The following SLC22A23 variants were observed in gnomAD, a reference collection of about 807,000 sequenced individuals.
SLC22A23 encodes the protein ion transporter protein.
In SLC22A23, 26 loss-of-function variants were observed where a neutral mutation model predicts 61.0. That is an observed-to-expected ratio of 0.43 (90% CI 0.31 to 0.59). SLC22A23 has a LOEUF of 0.59. Among genes scored for constraint, SLC22A23 ranks in the 20% least tolerant of loss-of-function variants. The pLI is 0.11. For synonymous variants in SLC22A23, 430 were observed against 413.9 expected (o/e 1.04, Z -0.47); for missense variants, 796 against 934.7 (o/e 0.85, Z 1.94).
In SLC22A23 at chr6:3,456,032, G is replaced by A; in HGVS notation, c.528C>T (p.Gly176=). 2.6e-6 allele frequency: 4 copies of A among 1,547,602 alleles called. No individual in the cohort carries two copies. The highest frequency in any genetic ancestry group is 1.7e-6 in the Non-Finnish European group (2 of 1,146,806). ...GGGGTGGTGTGTCGCCTCCGTCCGC[G>A]CCGCTGCTGTTGCTCCGGTTGCCCG... The part of the protein sequence containing the change: ...EAAGNRSNSS[G]ADGGDTPPLP... Residue 176 remains glycine (G), a synonymous_variant, in exon 1 of 10, where the codon GGC becomes GGT. Transcript: ENST00000406686. The surrounding 1 kb of genome is among the most constrained non-coding windows in gnomAD (Gnocchi z 7.1).
At chr6:3,303,097 A>G (rs578001815) in intron 4 of SLC22A23, 1 of 152,352 alleles carries the variant, frequency 6.6e-6, no homozygotes, top group East Asian at 1.9e-4. Context: ...ACAAACATAT[A>G]TTAAAAAAAG....
chr6:3,291,807 C>T (rs1448477618), intron 5 of SLC22A23: 7 of 152,056 alleles, frequency 4.6e-5, no homozygotes, highest in East Asian at 1.9e-4. Flanking sequence ...GGAAGACTTC[C>T]GAGAAGAAAA....
At chr6:3,434,382 G>A (rs902036274) in intron 1 of SLC22A23, among the ~76,000 whole-genome samples, 1 of 150,088 alleles carries the variant, frequency 6.7e-6, no homozygotes, top group Non-Finnish European at 1.5e-5. Context: ...TTGGGAGGGC[G>A]GGTGGATCAC....
chr6:3,322,870 C>T lies in SLC22A23; in HGVS notation c.1082+964G>A, dbSNP rs1277075635. ...CATTGTTGACTAAATAGTAGCAATA[C>T]AGGGCCACATCCATGATCTACTTAT... On this transcript the variant is annotated intron_variant, in intron 4 of 9. Coordinates refer to ENST00000406686, the MANE Select transcript of SLC22A23 (RefSeq NM_015482.2). This position sits in a 1 kb window ranked among gnomAD's most constrained non-coding sequence, Gnocchi z 4.1. 6.6e-6 allele frequency among the ~76,000 whole-genome samples: 1 copy of T among 152,148 alleles called. No individual in the cohort carries two copies. The highest frequency in any genetic ancestry group is 1.5e-5 in the Non-Finnish European group (1 of 68,008).
intron 1 of SLC22A23, among the ~76,000 whole-genome samples, chr6:3,443,185 G>T (rs1771706525): frequency 1.3e-5 from 2 of 152,360 alleles, no homozygotes; most frequent in South Asian, 2.1e-4. Context: ...ACTGGGAAAG[G>T]CTTGGGGAAA....
rs1202397327 is a variant in SLC22A23 at position 3,295,160 on chromosome 6, G to A, written c.1210+2931C>T. On this transcript the variant is annotated intron_variant, in intron 5 of 9. Transcript: ENST00000406686. ...GGGCCCTGCCTTGCCTGGCCTTGCC[G>A]CTCTGCAGGGGTGACAGGCAGTAAT... Among the ~76,000 whole-genome samples the A allele has an allele frequency of 3.3e-5, 5 of 152,264 alleles. No individual in the cohort carries two copies. In the East Asian group the frequency reaches 5.8e-4, roughly 18 times the overall value.
rs1295852715 is a variant in SLC22A23 at position 3,308,516 on chromosome 6, T to C, written c.1083-10298A>G. 6.6e-6 allele frequency among the ~76,000 whole-genome samples: 1 copy of C among 152,198 alleles called. No homozygotes were observed. Among genetic ancestry groups the C allele is most frequent in the East Asian group, 1.9e-4 (1 of 5,192 alleles). ...CCCCAGGTGTGGACAGTGGCTCTTC[T>C]CCTGAGGTCTTGAATAAAAGCACAT... On this transcript the variant is annotated intron_variant, in intron 4 of 9. Coordinates refer to ENST00000406686, the MANE Select transcript of SLC22A23 (RefSeq NM_015482.2). This position sits in a 1 kb window ranked among gnomAD's most constrained non-coding sequence, Gnocchi z 5.1.
intron 3 of SLC22A23, among the ~76,000 whole-genome samples, chr6:3,375,805 T>C (rs1440883466): frequency 6.6e-6 from 1 of 152,250 alleles, no homozygotes; most frequent in Non-Finnish European, 1.5e-5. Flanking sequence ...TGGAGCAGAA[T>C]GAAAAGATCC....
chr6:3,379,220 T>TTC (rs1388050030), intron 3 of SLC22A23, among the ~76,000 whole-genome samples: 2 of 152,230 alleles, frequency 1.3e-5, no homozygotes, highest in Non-Finnish European at 2.9e-5. Flanking sequence ...TAAAATGTCC[T>TTC]TCTCCTCCAC....
At chr6:3,379,275 G>A (rs1026315607) in intron 3 of SLC22A23, among the ~76,000 whole-genome samples, 4 of 152,080 alleles carry the variant, frequency 2.6e-5, no homozygotes, top group Non-Finnish European at 5.9e-5. Context: ...CTTTCCTCTT[G>A]GCAAAAGTAG....
chr6:3,370,157 A>G (rs1766115010), intron 3 of SLC22A23, among the ~76,000 whole-genome samples: 1 of 151,956 alleles, frequency 6.6e-6, no homozygotes, highest in Non-Finnish European at 1.5e-5. Flanking sequence ...CCCTAAATTT[A>G]TTTTTTCCTT....
chr6:3,274,035 A>G (rs770393132), intron 9 of SLC22A23, among the ~76,000 whole-genome samples: 9 of 152,198 alleles, frequency 5.9e-5, no homozygotes, highest in Non-Finnish European at 1.0e-4. Flanking sequence ...GGGTCCCCCA[A>G]ATGAAGCTGT....
At chr6:3,275,323 A>G (rs909422211) in intron 9 of SLC22A23, among the ~76,000 whole-genome samples, 14 of 152,238 alleles carry the variant, frequency 9.2e-5, no homozygotes, top group Admixed American at 9.2e-4. Flanking sequence ...CAAAATGGAT[A>G]ATAAAATCTA....
Position 3,456,961 on chromosome 6 carries a change from G to A in SLC22A23, c.-402C>T, listed in dbSNP as rs1451552276. The A allele has an allele frequency of 6.6e-6, 1 of 150,528 alleles. No individual in the cohort carries two copies. The highest frequency in any genetic ancestry group is 2.0e-4 in the East Asian group (1 of 5,084). The allele number at this position is 150,528 out of a possible 1,614,324, so 9.3% of individuals were successfully genotyped here. On this transcript the variant is annotated 5_prime_UTR_variant, in exon 1 of 10. Transcript: ENST00000406686. This position sits in a 1 kb window ranked among gnomAD's most constrained non-coding sequence, Gnocchi z 7.1. ...GGTTCAGGGCCCTGCGGGCGGCGGTGCGGGCAAAGGCTGCTGCTCCCGGGG... is the reference window on the plus strand; with the variant it reads ...GGTTCAGGGCCCTGCGGGCGGCGGTACGGGCAAAGGCTGCTGCTCCCGGGG...
At chr6:3,293,579 C>T (rs1760813427) in intron 5 of SLC22A23, among the ~76,000 whole-genome samples, 1 of 152,286 alleles carries the variant, frequency 6.6e-6, no homozygotes, top group Non-Finnish European at 1.5e-5. Context: ...CTGCCGACCT[C>T]TGTCATCTCT....
chr6:3,390,714 G>C lies in SLC22A23; in HGVS notation c.913+19474C>G, dbSNP rs1767609550. On this transcript the variant is annotated intron_variant, in intron 3 of 9. Coordinates refer to ENST00000406686, the MANE Select transcript of SLC22A23 (RefSeq NM_015482.2). The surrounding 1 kb of genome is among the most constrained non-coding windows in gnomAD (Gnocchi z 4.0). ...CACTCAGCATCTCTGAGCCTGGTAT[G>C]TATCAGTGGACCCCAAGTGGGGCTA... 6.6e-6 allele frequency among the ~76,000 whole-genome samples: 1 copy of C among 152,224 alleles called. No homozygotes were observed. Among genetic ancestry groups the C allele is most frequent in the African/African-American group, 2.4e-5 (1 of 41,456 alleles).
chr6:3,332,163 A>G lies in SLC22A23; in HGVS notation c.914-8161T>C, dbSNP rs529767709. ...ACTTCAAGCTCTGTCCCATAACAGCATGCTCTCAGTTCCCCAGCTGTCGGA... is the reference window on the plus strand; with the variant it reads ...ACTTCAAGCTCTGTCCCATAACAGCGTGCTCTCAGTTCCCCAGCTGTCGGA... On this transcript the variant is annotated intron_variant, in intron 3 of 9. Coordinates refer to ENST00000406686, the MANE Select transcript of SLC22A23 (RefSeq NM_015482.2). Among the ~76,000 whole-genome samples the G allele has an allele frequency of 1.8e-3, 279 of 152,312 alleles. 2 individuals carry two copies. Among genetic ancestry groups the G allele is most frequent in the African/African-American group, 6.5e-3 (271 of 41,562 alleles).
chr6:3,447,029 A>T (rs1351272726), intron 1 of SLC22A23, among the ~76,000 whole-genome samples: 1 of 152,188 alleles, frequency 6.6e-6, no homozygotes, highest in Admixed American at 6.5e-5. Flanking sequence ...GCAGCCAGAG[A>T]GGTCTTTTCA....
At chr6:3,361,181 C>T (rs1765419795) in intron 3 of SLC22A23, among the ~76,000 whole-genome samples, 1 of 151,700 alleles carries the variant, frequency 6.6e-6, no homozygotes, top group African/African-American at 2.4e-5. Context: ...ACAGAACACA[C>T]CCCCTCAACT....
Sources: gnomAD v4.1 joint callset for allele counts (sites outside exome capture counted in the v4.1 genomes callset) on GRCh38, gnomAD v4.1.1 for gene constraint, Gnocchi (gnomAD v3.1) non-coding constraint, MANE v1.5 for transcripts, NCBI Gene and HGNC (gene_info 2026-07-23, HGNC 2026-07-21) for gene names.